KDM4A: variants seen among roughly 807,000 people sequenced by gnomAD.
KDM4A encodes the protein lysine-specific demethylase 4A.
KDM4A carries 23 observed loss-of-function variants against 127.1 expected under a neutral mutation model. That is an observed-to-expected ratio of 0.18 (90% CI 0.13 to 0.26). The LOEUF is 0.26. Ranked by LOEUF, KDM4A falls within the 10% of genes least tolerant of loss-of-function variation. KDM4A has a pLI of 1.00. For synonymous variants in KDM4A, 443 were observed against 466.5 expected, an observed-to-expected ratio of 0.95 and a Z score of 0.65; for missense variants, 890 against 1,329.1, an observed-to-expected ratio of 0.67 and a Z score of 5.14.
At chr1:43,678,587 G>GT (rs35182358) in intron 11 of KDM4A, among the ~76,000 whole-genome samples, 36,057 of 134,450 alleles carry the variant, frequency 0.27, 5,338 homozygotes, top group Non-Finnish European at 0.35. Context: ...CTGCAGATAG[G>GT]TTTTTTTTTT....
chr1:43,673,397 A>G (rs1014444824), intron 11 of KDM4A, among the ~76,000 whole-genome samples: 7 of 152,180 alleles, frequency 4.6e-5, no homozygotes, highest in Admixed American at 1.3e-4. Context: ...CATCATATAT[A>G]TGATTAACAT....
intron 11 of KDM4A, among the ~76,000 whole-genome samples, chr1:43,679,506 CT>C (rs949811629): frequency 6.6e-6 from 1 of 152,124 alleles, no homozygotes; most frequent in Non-Finnish European, 1.5e-5. Flanking sequence ...TTAGAGCACC[CT>C]TATGTTCCCC....
intron 9 of KDM4A, among the ~76,000 whole-genome samples, chr1:43,668,389 T>C (rs1252627127): frequency 1.3e-4 from 20 of 152,104 alleles, no homozygotes; most frequent in Non-Finnish European, 1.5e-5. Context: ...CCTCCCAAAG[T>C]GCTGGGATTA....
intron 13 of KDM4A, among the ~76,000 whole-genome samples, chr1:43,690,248 C>A (rs1661077353): frequency 6.6e-6 from 1 of 152,218 alleles, no homozygotes; most frequent in African/African-American, 2.4e-5. Flanking sequence ...TCTGGGTACA[C>A]TCCTGAGGTG....
chr1:43,654,180 A>G lies in KDM4A; in HGVS notation c.138+867A>G, dbSNP rs546101207. The stretch of plus-strand genomic sequence containing the variant: ...AGCAGGGCCTGCAGTGCAGTTTTTC[A>G]TAGCACATTGCTTTTTTTGGTTGTA... On this transcript the variant is annotated intron_variant, in intron 2 of 21. Transcript: ENST00000372396. Among the ~76,000 whole-genome samples, 3 of 152,342 alleles carry G rather than the reference A, an allele frequency of 2.0e-5. No individual in the cohort carries two copies. In the East Asian group the frequency reaches 5.8e-4, roughly 29 times the overall value.
At chr1:43,668,520 T>C (rs952698878) in intron 9 of KDM4A, among the ~76,000 whole-genome samples, 6 of 152,172 alleles carry the variant, frequency 3.9e-5, no homozygotes, top group African/African-American at 1.4e-4. Context: ...AGGCACTTTC[T>C]GAATGAGAGA....
At chr1:43,700,952 C>T (rs1661374768) in intron 19 of KDM4A, among the ~76,000 whole-genome samples, 1 of 148,544 alleles carries the variant, frequency 6.7e-6, no homozygotes, top group African/African-American at 2.5e-5. Context: ...GAGACAGAGT[C>T]TCGCTCTGTC....
rs574373774 is a variant in KDM4A at position 43,653,039 on chromosome 1, T to G, written c.-39-98T>G. 172 of 659,382 alleles carry G rather than the reference T, an allele frequency of 2.6e-4. 1 individual carries two copies. The African/African-American group carries it at 3.0e-3, about 11-fold the overall frequency. The allele number at this position is 659,382 out of a possible 1,614,324, so 40.8% of individuals were successfully genotyped here. Reference sequence around the variant, plus strand: ...GGTGTGAAGTCTTAACTGTGTCTTTTGAATTTCTATATTATCTTTTACTGT... The same window carrying G: ...GGTGTGAAGTCTTAACTGTGTCTTTGGAATTTCTATATTATCTTTTACTGT... On this transcript the variant is annotated intron_variant, in intron 1 of 21. Transcript: ENST00000372396.
chr1:43,701,176 C>T (rs1215838224), intron 19 of KDM4A, among the ~76,000 whole-genome samples: 4 of 152,126 alleles, frequency 2.6e-5, no homozygotes, highest in Admixed American at 1.3e-4. Context: ...GCCTTGGCCT[C>T]CCAAAGTGCT....
At chr1:43,680,069 G>T (rs1660824263) in intron 11 of KDM4A, among the ~76,000 whole-genome samples, 1 of 152,200 alleles carries the variant, frequency 6.6e-6, no homozygotes, top group African/African-American at 2.4e-5. Flanking sequence ...TTAGAAACTG[G>T]AGCAATCCCA....
chr1:43,671,987 G>C (rs1394946461), intron 11 of KDM4A, 112 bp downstream of exon 11: 10 of 1,245,838 alleles, frequency 8.0e-6, no homozygotes, highest in Non-Finnish European at 1.1e-5. Flanking sequence ...GGTGCTGCAG[G>C]AGGGCAGGAG....
Position 43,700,370 on chromosome 1 carries a change from G to A in KDM4A, c.2841+2357G>A, listed in dbSNP as rs148116076. 5.1e-3 allele frequency among the ~76,000 whole-genome samples: 779 copies of A among 151,852 alleles called. 23 individuals are homozygous for A. The highest frequency in any genetic ancestry group is 0.044 in the Admixed American group (668 of 15,246). On this transcript the variant is annotated intron_variant, in intron 19 of 21. Coordinates refer to ENST00000372396, the MANE Select transcript of KDM4A (RefSeq NM_014663.3). Reference sequence around the variant, plus strand: ...TCTCAAAACTGGGCTCAAGCAATCCGCCTACCTCGGCCTCCCAAAGTGCTG... The same window carrying A: ...TCTCAAAACTGGGCTCAAGCAATCCACCTACCTCGGCCTCCCAAAGTGCTG...
Position 43,671,598 on chromosome 1 carries a change from T to C in KDM4A, c.1457T>C (p.Leu486Ser). ...GAGGAAGAACAAGCAGCAGCTGCCT[T>C]GGATCTTTCTGTGAATCCTGCGTCT... The part of the protein sequence containing the change: ...DEEEEQAAAA[L>S]DLSVNPASVG... The change falls in exon 11 of 22, where the codon TTG becomes TCG. Residue 486 changes from leucine to serine, a missense_variant. This residue lies in a region of KDM4A where 389 missense variants were observed against 485.9 expected (regional missense o/e 0.80). Coordinates refer to ENST00000372396, the MANE Select transcript of KDM4A (RefSeq NM_014663.3). The C allele has an allele frequency of 1.2e-6, 2 of 1,612,546 alleles. No individual in the cohort carries two copies. Among genetic ancestry groups the C allele is most frequent in the Non-Finnish European group, 1.7e-6 (2 of 1,179,426 alleles).
rs74746478 is a variant in KDM4A, at chr1:43,657,697, G to C, written c.314+1931G>C. 5.5e-3 allele frequency among the ~76,000 whole-genome samples: 830 copies of C among 152,092 alleles called. 5 individuals are homozygous for C. The highest frequency in any genetic ancestry group is 0.019 in the African/African-American group (793 of 41,490). ...CTGTTTCTCACATGGAATTCAGCCA[G>C]GGGCTTCAGTCTCCTCAGCCTTTTT... On this transcript the variant is annotated intron_variant, in intron 3 of 21. Transcript: ENST00000372396.
At position 43,680,168 on chromosome 1, in the gene KDM4A, A is replaced by G. The variant is rs118166327; in HGVS notation, c.1735-3516A>G. Among the ~76,000 whole-genome samples the G allele has an allele frequency of 1.3e-3, 199 of 152,256 alleles. 1 individual carries two copies. In the East Asian group the frequency reaches 0.036, roughly 28 times the overall value. ...ATGAGGAAATGTGAAAAGATATTCA[A>G]ATCTTTGAATGGACCTGACTACTTT... On this transcript the variant is annotated intron_variant, in intron 11 of 21. Coordinates refer to ENST00000372396, the MANE Select transcript of KDM4A (RefSeq NM_014663.3).
rs1661093670 is a variant in KDM4A at position 43,690,899 on chromosome 1, C to G, written c.2092C>G (p.Gln698Glu). The G allele has an allele frequency of 6.2e-7, 1 of 1,614,234 alleles. No individual in the cohort carries two copies. The highest frequency in any genetic ancestry group is 1.7e-5 in the Admixed American group (1 of 60,030). ...TGGAAATGCTTCAGATTTAGCCCCC[C>G]AGAAGCAGAGGACCAAGCCATTGAT... ...NCGNASDLAPQKQRTKPLIPE... is the reference protein window; with the variant it reads ...NCGNASDLAPEKQRTKPLIPE... Residue 698 changes from glutamine to glutamate, a missense_variant, in exon 14 of 22, where the codon CAG becomes GAG. This residue lies in a region of KDM4A where 389 missense variants were observed against 485.9 expected (regional missense o/e 0.80). Coordinates refer to ENST00000372396, the MANE Select transcript of KDM4A (RefSeq NM_014663.3).
rs1402509461 is a variant in KDM4A at position 43,694,532 on chromosome 1, A to T, written c.2485-177A>T. On this transcript the variant is annotated intron_variant, in intron 17 of 21. Coordinates refer to ENST00000372396, the MANE Select transcript of KDM4A (RefSeq NM_014663.3). The surrounding 1 kb of genome is among the most constrained non-coding windows in gnomAD (Gnocchi z 5.2). The stretch of plus-strand genomic sequence containing the variant: ...CTCCGTCTCAAAAAAAAAAAAAAAA[A>T]AATTTCCTTGGCAGATAAAGTTGTA... Among the ~76,000 whole-genome samples, 2 of 151,974 alleles carry T rather than the reference A, an allele frequency of 1.3e-5. No individual in the cohort carries two copies. The highest frequency in any genetic ancestry group is 1.3e-4 in the Admixed American group (2 of 15,250).
intron 6 of KDM4A, chr1:43,666,172 G>A: frequency 2.3e-6 from 1 of 429,772 alleles, no homozygotes; most frequent in Non-Finnish European, 4.1e-6. Flanking sequence ...TGGAGAAAAG[G>A]TCCTAAATAG....
At position 43,660,346 on chromosome 1, in the gene KDM4A, C is replaced by T. The variant is rs773145727; in HGVS notation, c.363C>T (p.Tyr121=). The T allele has an allele frequency of 4.4e-5, 71 of 1,613,870 alleles. No individual in the cohort carries two copies. Among genetic ancestry groups the T allele is most frequent in the Non-Finnish European group, 5.7e-5 (67 of 1,179,912 alleles). ...YSEFEELERK[Y]WKNLTFNPPI... Reference sequence around the variant, plus strand: ...AGTTTGAAGAGCTCGAGCGGAAATACTGGAAAAATCTTACATTCAATCCTC... The same window carrying T: ...AGTTTGAAGAGCTCGAGCGGAAATATTGGAAAAATCTTACATTCAATCCTC... Residue 121 remains tyrosine (Y), a synonymous_variant, in exon 4 of 22, where the codon TAC becomes TAT. Coordinates refer to ENST00000372396, the MANE Select transcript of KDM4A (RefSeq NM_014663.3).
Sources: gnomAD v4.1 joint callset for allele counts (sites outside exome capture counted in the v4.1 genomes callset) on GRCh38, gnomAD v4.1.1 for gene constraint, gnomAD v4.1.1 regional missense constraint, Gnocchi (gnomAD v3.1) non-coding constraint, MANE v1.5 for transcripts, NCBI Gene and HGNC (gene_info 2026-07-23, HGNC 2026-07-21) for gene names.